Variants in TOGARAM1 observed in about 807,000 individuals in gnomAD.
TOGARAM1 encodes the protein TOG array regulator of axonemal microtubules protein 1.
A neutral mutation model predicts 166.6 loss-of-function variants in TOGARAM1; 100 were observed. The ratio of observed to expected loss-of-function variants is 0.60; its 90% confidence interval spans 0.51 to 0.71. TOGARAM1 has a LOEUF of 0.71. Among genes scored for constraint, TOGARAM1 ranks in the 30% least tolerant of loss-of-function variants. TOGARAM1 has a pLI of 0.00. For missense variants in TOGARAM1, 2,029 were observed against 2,102.7 expected (o/e 0.96, Z 0.69); for synonymous variants, 758 against 763.8 (o/e 0.99, Z 0.13).
rs996733454 is a variant in TOGARAM1, at chr14:44,963,572, C to A, written c.1151C>A (p.Pro384His). 5 of 1,613,666 alleles carry A rather than the reference C, an allele frequency of 3.1e-6. No homozygotes were observed. The highest frequency in any genetic ancestry group is 1.3e-5 in the African/African-American group (1 of 74,890). Reference protein sequence around the residue: ...ELKQVLGKFNPSSTPHSSLVG... With the variant: ...ELKQVLGKFNHSSTPHSSLVG... ...AAGCAGGTGCTGGGAAAATTTAACC[C>A]TAGTTCTACTCCTCATTCTAGTCTT... The change falls in exon 1 of 20, where the codon CCT becomes CAT. Residue 384 changes from proline to histidine, a missense_variant. By Grantham distance (77) the Pro-to-His change is moderately conservative. Around this residue, in one of 2 missense-constraint regions of TOGARAM1, gnomAD observed 1,453 missense variants for 1,432.2 expected, o/e 1.01. Coordinates refer to ENST00000361462, the MANE Select transcript of TOGARAM1 (RefSeq NM_001308120.2).
In TOGARAM1 at chr14:45,002,835, C is replaced by T. The variant is rs944468611; in HGVS notation, c.2339-1226C>T. On this transcript the variant is annotated intron_variant, in intron 3 of 19. Transcript: ENST00000361462. Reference sequence around the variant, plus strand: ...TACTAAAAATTACAAAAAAACTAGCCGGACATGGTGGCGGGCACCTATCAT... The same window carrying T: ...TACTAAAAATTACAAAAAAACTAGCTGGACATGGTGGCGGGCACCTATCAT... Among the ~76,000 whole-genome samples, 9 of 152,120 alleles carry T rather than the reference C, an allele frequency of 5.9e-5. No homozygotes were observed. In the East Asian group the frequency reaches 9.7e-4, roughly 16 times the overall value.
rs537139964 is a variant in TOGARAM1, at chr14:45,073,599, T to C, written c.*38T>C. The C allele has an allele frequency of 2.8e-5, 44 of 1,569,804 alleles. No individual in the cohort carries two copies. The African/African-American group carries it at 5.0e-4, about 18-fold the overall frequency. On this transcript the variant is annotated 3_prime_UTR_variant, in exon 20 of 20. Transcript: ENST00000361462. ...ATACTGTATGATGAACAAAAGTGTT[T>C]ACATGATGACAAATGGAACTTTCTA...
intron 2 of TOGARAM1, chr14:44,997,476 G>C (rs1374647343): frequency 2.1e-5 from 3 of 146,116 alleles, no homozygotes; most frequent in African/African-American, 7.6e-5. Flanking sequence ...AGTTGATATA[G>C]TTTGCTGGTA....
chr14:45,026,543 G>A (rs1255194444), intron 8 of TOGARAM1, among the ~76,000 whole-genome samples: 3 of 151,992 alleles, frequency 2.0e-5, no homozygotes, highest in East Asian at 1.9e-4. Context: ...TTATTTGCCC[G>A]GCCAAGCTCA....
chr14:45,007,809 T>C (rs140497358), intron 5 of TOGARAM1: 1 of 152,330 alleles, frequency 6.6e-6, no homozygotes, highest in African/African-American at 2.4e-5. Flanking sequence ...CATTTAATCT[T>C]TACAGTAACT....
chr14:45,003,261 T>C (rs1326768488), intron 3 of TOGARAM1, among the ~76,000 whole-genome samples: 1 of 152,142 alleles, frequency 6.6e-6, no homozygotes, highest in Non-Finnish European at 1.5e-5. Flanking sequence ...TTTATTAATA[T>C]ACGTACGCTA....
intron 1 of TOGARAM1, among the ~76,000 whole-genome samples, chr14:44,970,779 A>G (rs1802000365): frequency 6.6e-6 from 1 of 152,100 alleles, no homozygotes. Flanking sequence ...GCTTTTTTGC[A>G]TCTATTGATA....
chr14:44,972,400 T>C (rs1885936271), intron 1 of TOGARAM1, among the ~76,000 whole-genome samples: 5 of 152,218 alleles, frequency 3.3e-5, no homozygotes, highest in Admixed American at 3.3e-4. Context: ...GATTATGATG[T>C]TGTTGAGTTC....
intron 14 of TOGARAM1, among the ~76,000 whole-genome samples, chr14:45,051,894 C>G (rs1178358834): frequency 2.0e-5 from 3 of 152,008 alleles, no homozygotes; most frequent in Non-Finnish European, 4.4e-5. Flanking sequence ...AGGTTATATC[C>G]CAATAAACCC....
At chr14:44,977,073 C>T (rs924819970) in intron 1 of TOGARAM1, among the ~76,000 whole-genome samples, 14 of 152,026 alleles carry the variant, frequency 9.2e-5, no homozygotes, top group African/African-American at 3.4e-4. Flanking sequence ...GATTTCATTT[C>T]TAAACATATT....
chr14:45,060,218 T>TC (rs1156646672), intron 16 of TOGARAM1, among the ~76,000 whole-genome samples: 1 of 117,008 alleles, frequency 8.5e-6, no homozygotes, highest in Non-Finnish European at 1.7e-5. Context: ...GCACCCGGCC[T>TC]TTTTTTTTTT....
At chr14:45,059,798 A>G (rs536595554) in intron 16 of TOGARAM1, among the ~76,000 whole-genome samples, 1 of 152,340 alleles carries the variant, frequency 6.6e-6, no homozygotes, top group Non-Finnish European at 1.5e-5. Flanking sequence ...AAACTAAAGT[A>G]ATGACATAAA....
rs571844572 is a variant in TOGARAM1, at chr14:45,073,722, C to A, written c.*161C>A. 3.4e-6 allele frequency: 2 copies of A among 581,474 alleles called. No individual in the cohort carries two copies. Among genetic ancestry groups the A allele is most frequent in the Middle Eastern group, 4.7e-4 (1 of 2,144 alleles). 36.0% of individuals were successfully genotyped at this position (581,474 alleles called of 1,614,324 possible). On this transcript the variant is annotated 3_prime_UTR_variant, in exon 20 of 20. Coordinates refer to ENST00000361462, the MANE Select transcript of TOGARAM1 (RefSeq NM_001308120.2). ...TGAGTACACATCTGTCCTATATCAA[C>A]CTTACCACTTATATTCATCACATAA...
chr14:45,021,080 T>C (rs1880471379), intron 7 of TOGARAM1, among the ~76,000 whole-genome samples: 1 of 152,174 alleles, frequency 6.6e-6, no homozygotes, highest in African/African-American at 2.4e-5. Flanking sequence ...AGGGGTGCTA[T>C]GTACCCGGGT....
chr14:45,008,835 G>A (rs1879615601), intron 5 of TOGARAM1, 78 bp from the exon 6 acceptor site: 6 of 1,143,940 alleles, frequency 5.2e-6, no homozygotes, highest in African/African-American at 1.6e-5. Flanking sequence ...ATAGCTAATG[G>A]AGTTTAAAAT....
chr14:44,994,593 A>AT (rs1887326916), intron 1 of TOGARAM1, among the ~76,000 whole-genome samples: 1 of 152,072 alleles, frequency 6.6e-6, no homozygotes, highest in East Asian at 1.9e-4. Flanking sequence ...TAATTTTTGT[A>AT]TTTTTTGTAG....
chr14:45,031,115 T>G (rs1881130598), intron 10 of TOGARAM1, among the ~76,000 whole-genome samples: 1 of 152,204 alleles, frequency 6.6e-6, no homozygotes, highest in Non-Finnish European at 1.5e-5. Flanking sequence ...ATATTTGTGA[T>G]TTCAGGTAAC....
rs186328868 is a variant in TOGARAM1, at chr14:45,072,665, T to C, written c.5057-631T>C. Among the ~76,000 whole-genome samples the C allele has an allele frequency of 3.2e-3, 483 of 152,148 alleles. 1 individual carries two copies. Among genetic ancestry groups the C allele is most frequent in the African/African-American group, 0.011 (467 of 41,488 alleles). ...GTCTTGAACTTCTGACCTCAAGTGA[T>C]CCACCCACCTCGGCCTCTCAAAGTG... On this transcript the variant is annotated intron_variant, in intron 19 of 19. Transcript: ENST00000361462.
At chr14:44,989,669 G>A (rs2138787735) in intron 1 of TOGARAM1, among the ~76,000 whole-genome samples, 1 of 152,142 alleles carries the variant, frequency 6.6e-6, no homozygotes. Context: ...TTTCTTCTGA[G>A]CCCTCCAGAC....
Sources: gnomAD v4.1 joint callset for allele counts (sites outside exome capture counted in the v4.1 genomes callset) on GRCh38, gnomAD v4.1.1 for gene constraint, gnomAD v4.1.1 regional missense constraint, MANE v1.5 for transcripts, NCBI Gene and HGNC (gene_info 2026-07-23, HGNC 2026-07-21) for gene names.